Variants in MICU1 observed in about 807,000 individuals in gnomAD.
The protein encoded by MICU1 is calcium uptake protein 1, mitochondrial.
In MICU1, 45 loss-of-function variants were observed where a neutral mutation model predicts 56.8. That is an observed-to-expected ratio of 0.79 (90% CI 0.62 to 1.02). The LOEUF (loss-of-function observed/expected upper bound fraction) is 1.02. MICU1 is among the 50% of genes least tolerant of loss of function. MICU1 has a pLI of 0.00. For missense variants in MICU1, 504 were observed against 587.1 expected (o/e 0.86, Z 1.46); for synonymous variants, 186 against 195.1 (o/e 0.95, Z 0.39).
intron 3 of MICU1, among the ~76,000 whole-genome samples, chr10:72,560,022 G>A (rs1186788951): frequency 1.3e-5 from 2 of 152,184 alleles, no homozygotes; most frequent in Non-Finnish European, 2.9e-5. Flanking sequence ...CTGGTCTGCA[G>A]GAAAACTGTC....
intron 1 of MICU1, among the ~76,000 whole-genome samples, chr10:72,600,622 C>G (rs1187740366): frequency 2.2e-5 from 3 of 136,262 alleles, no homozygotes; most frequent in Non-Finnish European, 3.0e-5. Context: ...GCACTCCAGC[C>G]TGGGTGACAG....
intron 1 of MICU1, chr10:72,583,114 C>G (rs542045170): frequency 1.3e-5 from 2 of 150,160 alleles, no homozygotes; most frequent in African/African-American, 4.9e-5. Context: ...CAAAAATAGC[C>G]ATAATACAAG....
At chr10:72,547,393 ATTTC>A (rs1023046169) in intron 4 of MICU1, among the ~76,000 whole-genome samples, 3 of 151,926 alleles carry the variant, frequency 2.0e-5, no homozygotes, top group African/African-American at 7.2e-5. Flanking sequence ...TATACCTTTC[ATTTC>A]TTTCTAATTA....
intron 8 of MICU1, among the ~76,000 whole-genome samples, chr10:72,450,406 C>T (rs1289911130): frequency 1.3e-5 from 2 of 151,682 alleles, no homozygotes; most frequent in Non-Finnish European, 2.9e-5. Context: ...GTAGCCCAAG[C>T]AAAAGACAAG....
At chr10:72,521,737 C>T (rs1322166546) in intron 5 of MICU1, among the ~76,000 whole-genome samples, 1 of 152,010 alleles carries the variant, frequency 6.6e-6, no homozygotes, top group Admixed American at 6.6e-5. Context: ...TTCACAATTT[C>T]TGGAAAATGT....
chr10:72,486,739 G>A (rs544972122), intron 6 of MICU1, among the ~76,000 whole-genome samples: 3 of 152,238 alleles, frequency 2.0e-5, no homozygotes, highest in African/African-American at 7.2e-5. Flanking sequence ...CCAAAGTGCT[G>A]GGATTACAGG....
At chr10:72,549,907 G>T (rs1397364536) in intron 4 of MICU1, among the ~76,000 whole-genome samples, 1 of 118,712 alleles carries the variant, frequency 8.4e-6, no homozygotes, top group African/African-American at 3.6e-5. Flanking sequence ...TCCAGCCTGG[G>T]TGACAAGAAT....
intron 8 of MICU1, among the ~76,000 whole-genome samples, chr10:72,454,568 A>T (rs1022922828): frequency 6.6e-6 from 1 of 152,030 alleles, no homozygotes; most frequent in Non-Finnish European, 1.5e-5. Flanking sequence ...AGACCACCTG[A>T]GGTCAGGAGT....
chr10:72,496,499 A>T (rs949419475), intron 6 of MICU1, among the ~76,000 whole-genome samples: 3 of 152,098 alleles, frequency 2.0e-5, no homozygotes, highest in Non-Finnish European at 4.4e-5. Flanking sequence ...ATGGGGTTTC[A>T]TTATGTTGGC....
chr10:72,393,176 T>C (rs1564842649), intron 10 of MICU1, among the ~76,000 whole-genome samples: 1 of 152,156 alleles, frequency 6.6e-6, no homozygotes, highest in Non-Finnish European at 1.5e-5. Context: ...ATTGAGTTCT[T>C]CCTCTATCCC....
intron 9 of MICU1, among the ~76,000 whole-genome samples, chr10:72,421,043 A>T (rs955576798): frequency 1.6e-4 from 24 of 145,618 alleles, no homozygotes; most frequent in Admixed American, 8.9e-4. Context: ...ATAATAATAA[A>T]AAGAAAAGAA....
At chr10:72,458,889 T>TA (rs11431786) in intron 8 of MICU1, among the ~76,000 whole-genome samples, 1,112 of 89,180 alleles carry the variant, frequency 0.012, 17 homozygotes, top group African/African-American at 0.054. Context: ...ATTTTTTTTT[T>TA]TTTTTTTTGT....
At chr10:72,377,462 A>G (rs1213093363) in intron 10 of MICU1, among the ~76,000 whole-genome samples, 3 of 152,166 alleles carry the variant, frequency 2.0e-5, no homozygotes, top group Admixed American at 6.5e-5. Context: ...CTTTTAAAAA[A>G]TATATATTTT....
rs375547012 is a variant in MICU1 at position 72,449,460 on chromosome 10, C to G, written c.933+25640G>C. Among the ~76,000 whole-genome samples the G allele has an allele frequency of 3.3e-5, 5 of 152,162 alleles. 1 individual carries two copies. Among genetic ancestry groups the G allele is most frequent in the African/African-American group, 1.2e-4 (5 of 41,510 alleles). On this transcript the variant is annotated intron_variant, in intron 8 of 11. Coordinates refer to ENST00000361114, the MANE Select transcript of MICU1 (RefSeq NM_001195518.2). ...ACTATGTTGCCCAGGCTGGTCTTGA[C>G]CTCCTAGGCTGAAGCAATCCTCCCA...
intron 1 of MICU1, among the ~76,000 whole-genome samples, chr10:72,588,227 T>C (rs532694549): frequency 6.6e-6 from 1 of 152,262 alleles, no homozygotes; most frequent in Non-Finnish European, 1.5e-5. Flanking sequence ...TCTGCCATAA[T>C]TGAAAGTTTC....
chr10:72,455,050 G>A (rs111325692), intron 8 of MICU1, among the ~76,000 whole-genome samples: 3,705 of 151,916 alleles, frequency 0.024, 64 homozygotes, highest in Non-Finnish European at 0.035. Flanking sequence ...GCAAGTTTCT[G>A]ATTAAAAGAT....
intron 6 of MICU1, among the ~76,000 whole-genome samples, chr10:72,507,896 G>T (rs903305568): frequency 6.6e-6 from 1 of 152,164 alleles, no homozygotes; most frequent in Non-Finnish European, 1.5e-5. Flanking sequence ...GGAATTACAA[G>T]TGTGAGCCAC....
chr10:72,458,038 G>T (rs576855770), intron 8 of MICU1, among the ~76,000 whole-genome samples: 1 of 151,956 alleles, frequency 6.6e-6, no homozygotes, highest in East Asian at 1.9e-4. Flanking sequence ...GTGGTGGCAC[G>T]TGCCTGTAAT....
At chr10:72,551,466 T>G (rs958512728) in intron 3 of MICU1, 125 bp from the exon 4 acceptor site, 1 of 609,916 alleles carries the variant, frequency 1.6e-6, no homozygotes, top group Non-Finnish European at 2.4e-6. Flanking sequence ...AATTCTATCA[T>G]TTTTTTCTAT....
Sources: allele counts gnomAD v4.1 joint callset (sites outside exome capture counted in the v4.1 genomes callset), GRCh38; gene constraint gnomAD v4.1.1; transcripts MANE v1.5; gene names NCBI Gene and HGNC (gene_info 2026-07-23, HGNC 2026-07-21).